DCC: variants seen among roughly 807,000 people sequenced by gnomAD.
DCC encodes the protein netrin receptor DCC.
In DCC, 58 loss-of-function variants were observed where a neutral mutation model predicts 172.5. The ratio of observed to expected loss-of-function variants is 0.34; its 90% CI spans 0.27 to 0.42. DCC has a LOEUF of 0.42. Ranked by LOEUF, DCC falls within the 10% of genes least tolerant of loss-of-function variation. The probability of loss-of-function intolerance (pLI) is 1.00; values close to 1 mark genes in which losing one functional copy is unlikely to be tolerated. For synonymous variants in DCC, 709 were observed against 644.5 expected (o/e 1.10, Z -1.52); for missense variants, 1,740 against 1,791.0 (o/e 0.97, Z 0.51).
At chr18:52,836,147 A>G (rs1422874202) in intron 2 of DCC, among the ~76,000 whole-genome samples, 1 of 152,134 alleles carries the variant, frequency 6.6e-6, no homozygotes, top group Non-Finnish European at 1.5e-5. Context: ...TGAGAACAGG[A>G]TGGGGGAAAA....
At chr18:52,744,453 ATAACT>A (rs2036876421) in intron 1 of DCC, among the ~76,000 whole-genome samples, 2 of 152,192 alleles carry the variant, frequency 1.3e-5, no homozygotes, top group Admixed American at 6.5e-5. Context: ...TTAATTCCAC[ATAACT>A]TAATTCATTT....
intron 1 of DCC, among the ~76,000 whole-genome samples, chr18:52,357,515 GAATA>G (rs1271342846): frequency 6.6e-6 from 1 of 151,980 alleles, no homozygotes; most frequent in Non-Finnish European, 1.5e-5. Context: ...ATAAATAATT[GAATA>G]AATAAAGAGA....
At chr18:53,436,566 C>T (rs763063185) in intron 22 of DCC, among the ~76,000 whole-genome samples, 7 of 152,094 alleles carry the variant, frequency 4.6e-5, no homozygotes, top group Non-Finnish European at 8.8e-5. Context: ...TATATATATA[C>T]AGAGTACACC....
intron 1 of DCC, among the ~76,000 whole-genome samples, chr18:52,465,937 T>C (rs553803070): frequency 3.3e-5 from 5 of 152,224 alleles, no homozygotes; most frequent in African/African-American, 4.8e-5. Flanking sequence ...GCAATGATTA[T>C]ACATCGTGCT....
chr18:52,738,465 C>G lies in DCC; in HGVS notation c.92-13589C>G, dbSNP rs1024417789. Among the ~76,000 whole-genome samples, 3 of 151,968 alleles carry G rather than the reference C, an allele frequency of 2.0e-5. No individual in the cohort carries two copies. In the East Asian group the frequency reaches 5.8e-4, roughly 29 times the overall value. Reference sequence around the variant, plus strand: ...ATTTGTGTATCAAAACATAGAAAAGCCACGTAAATATTTTGTACAAGAGAT... The same window carrying G: ...ATTTGTGTATCAAAACATAGAAAAGGCACGTAAATATTTTGTACAAGAGAT... On this transcript the variant is annotated intron_variant, in intron 1 of 28. Coordinates refer to ENST00000442544, the MANE Select transcript of DCC (RefSeq NM_005215.4).
At chr18:52,484,817 A>G (rs2030132199) in intron 1 of DCC, among the ~76,000 whole-genome samples, 1 of 137,998 alleles carries the variant, frequency 7.2e-6, no homozygotes, top group Non-Finnish European at 1.5e-5. Flanking sequence ...TTAAAAAGGA[A>G]AAAAAAAAAA....
intron 1 of DCC, among the ~76,000 whole-genome samples, chr18:52,684,910 T>C (rs1000302745): frequency 4.6e-5 from 7 of 152,192 alleles, no homozygotes; most frequent in African/African-American, 1.7e-4. Context: ...CTAATATTTA[T>C]AGCTAATCTT....
Position 53,499,293 on chromosome 18 carries a change from T to C in DCC, c.3899-5T>C, listed in dbSNP as rs761878175. On this transcript the variant is annotated splice_polypyrimidine_tract_variant and splice_region_variant and intron_variant, in intron 26 of 28. Coordinates refer to ENST00000442544, the MANE Select transcript of DCC (RefSeq NM_005215.4). ...AATGAATGACTTTTCTTGTCTCCAC[T>C]GCAGCAGTGAGTGAAGGACCAACTA... 2.5e-6 allele frequency: 4 copies of C among 1,613,916 alleles called. No homozygotes were observed. Among genetic ancestry groups the C allele is most frequent in the Non-Finnish European group, 3.4e-6 (4 of 1,179,984 alleles).
chr18:52,345,545 C>T (rs1032091662), intron 1 of DCC, among the ~76,000 whole-genome samples: 1 of 152,242 alleles, frequency 6.6e-6, no homozygotes, highest in Admixed American at 6.5e-5. Flanking sequence ...GTGAATTTTT[C>T]GGCAGCCTGC....
chr18:53,317,425 A>G (rs543851010), intron 13 of DCC, among the ~76,000 whole-genome samples: 8 of 152,326 alleles, frequency 5.3e-5, no homozygotes, highest in African/African-American at 1.9e-4. Context: ...CATCAGGGAT[A>G]TCGGCTTGAA....
At chr18:53,511,856 G>C (rs1161893865) in intron 27 of DCC, among the ~76,000 whole-genome samples, 1 of 152,196 alleles carries the variant, frequency 6.6e-6, no homozygotes, top group African/African-American at 2.4e-5. Context: ...GGCAGTCTGA[G>C]ATCAAACTGC....
chr18:52,714,990 C>A (rs894831168), intron 1 of DCC, among the ~76,000 whole-genome samples: 4 of 152,070 alleles, frequency 2.6e-5, no homozygotes, highest in African/African-American at 9.7e-5. Context: ...AAGATATGAT[C>A]GCTACATAGG....
intron 13 of DCC, among the ~76,000 whole-genome samples, chr18:53,313,991 G>C (rs2057315015): frequency 6.6e-6 from 1 of 152,176 alleles, no homozygotes; most frequent in Admixed American, 6.5e-5. Flanking sequence ...GCCAATGTCA[G>C]TTATCACTAC....
chr18:52,788,291 C>T (rs1190465629), intron 2 of DCC, among the ~76,000 whole-genome samples: 1 of 152,160 alleles, frequency 6.6e-6, no homozygotes, highest in Non-Finnish European at 1.5e-5. Flanking sequence ...ACATGTTGCA[C>T]TGTTAACTCT....
intron 2 of DCC, among the ~76,000 whole-genome samples, chr18:52,844,718 T>C (rs2038858900): frequency 6.6e-6 from 1 of 152,198 alleles, no homozygotes; most frequent in Non-Finnish European, 1.5e-5. Flanking sequence ...GAGTTAAAAC[T>C]AAAAGTCATT....
At chr18:52,642,065 TATATATATATATATAC>T (rs1209545445) in intron 1 of DCC, among the ~76,000 whole-genome samples, 27 of 7,526 alleles carry the variant, frequency 3.6e-3, no homozygotes, top group Admixed American at 8.7e-3. Context: ...TGTGTGTGTA[TATATATATATATATAC>T]ACACACACAC....
At chr18:52,975,791 C>T (rs1274002208) in intron 5 of DCC, among the ~76,000 whole-genome samples, 1 of 152,130 alleles carries the variant, frequency 6.6e-6, no homozygotes, top group Non-Finnish European at 1.5e-5. Context: ...CATGTGTTTG[C>T]TATTATGAAT....
In DCC at chr18:52,746,326, T is replaced by C. The variant is rs533744856; in HGVS notation, c.92-5728T>C. ...TAATTTTAAGTGATACAATTATGCATAGCAAGTTCTATGGGGATTTGTATG... is the reference window on the plus strand; with the variant it reads ...TAATTTTAAGTGATACAATTATGCACAGCAAGTTCTATGGGGATTTGTATG... On this transcript the variant is annotated intron_variant, in intron 1 of 28. Transcript: ENST00000442544. 2.6e-5 allele frequency among the ~76,000 whole-genome samples: 4 copies of C among 152,322 alleles called. No homozygotes were observed. In the East Asian group the frequency reaches 7.7e-4, roughly 29 times the overall value.
intron 2 of DCC, among the ~76,000 whole-genome samples, chr18:52,807,002 G>A (rs1346559878): frequency 6.6e-6 from 1 of 152,122 alleles, no homozygotes; most frequent in Non-Finnish European, 1.5e-5. Context: ...AGACCACCCT[G>A]GCCAATATGG....
Sources: gnomAD v4.1 joint callset for allele counts (sites outside exome capture counted in the v4.1 genomes callset) on GRCh38, gnomAD v4.1.1 for gene constraint, MANE v1.5 for transcripts, NCBI Gene and HGNC (gene_info 2026-07-23, HGNC 2026-07-21) for gene names.